The following CADM2 variants were observed in gnomAD, a reference collection of about 807,000 sequenced individuals.
The protein encoded by CADM2 is cell adhesion molecule 2.
In CADM2, 12 loss-of-function variants were observed where a neutral mutation model predicts 49.8. The ratio of observed to expected loss-of-function variants is 0.24; its 90% confidence interval spans 0.15 to 0.39. CADM2 has a LOEUF of 0.39. CADM2 is among the 10% of genes least tolerant of loss of function. The probability of loss-of-function intolerance (pLI) is 1.00; values close to 1 mark genes in which losing one functional copy is unlikely to be tolerated. For missense variants in CADM2, 378 were observed against 492.3 expected, an observed-to-expected ratio of 0.77 and a Z score of 2.20; for synonymous variants, 214 against 175.4, an observed-to-expected ratio of 1.22 and a Z score of -1.74.
intron 1 of CADM2, among the ~76,000 whole-genome samples, chr3:85,016,310 A>G (rs895951580): frequency 6.6e-6 from 1 of 152,214 alleles, no homozygotes; most frequent in Non-Finnish European, 1.5e-5. Context: ...GAAAAAGTAA[A>G]AAAGAGCCAA....
chr3:85,546,461 C>A (rs777886679), intron 1 of CADM2, among the ~76,000 whole-genome samples: 1 of 152,220 alleles, frequency 6.6e-6, no homozygotes, highest in African/African-American at 2.4e-5. Flanking sequence ...TCAACTCCCC[C>A]TCTCTTGTTC....
At chr3:85,453,395 T>G (rs939294481) in intron 1 of CADM2, among the ~76,000 whole-genome samples, 14 of 152,128 alleles carry the variant, frequency 9.2e-5, no homozygotes, top group African/African-American at 3.1e-4. Context: ...GAAATTAGCA[T>G]GATTATCAGT....
chr3:85,591,547 A>G (rs539151898), intron 1 of CADM2, among the ~76,000 whole-genome samples: 24 of 152,124 alleles, frequency 1.6e-4, no homozygotes, highest in African/African-American at 5.5e-4. Flanking sequence ...GTGAAGCTTT[A>G]GCAGCAACAT....
chr3:85,212,235 A>T (rs9813787), intron 1 of CADM2, among the ~76,000 whole-genome samples: 34,562 of 151,900 alleles, frequency 0.23, 6,578 homozygotes, highest in African/African-American at 0.53. Context: ...GGCCACCCTA[A>T]GTCTATTGAT....
chr3:85,454,845 A>G (rs1412268381), intron 1 of CADM2, among the ~76,000 whole-genome samples: 1 of 104,644 alleles, frequency 9.6e-6, no homozygotes, highest in African/African-American at 2.6e-5. Flanking sequence ...ATTAACACAC[A>G]AAACAGAATC....
chr3:85,101,643 T>C (rs1029159941), intron 1 of CADM2, among the ~76,000 whole-genome samples: 5 of 152,212 alleles, frequency 3.3e-5, no homozygotes, highest in African/African-American at 7.2e-5. Flanking sequence ...TTTAAAAAAA[T>C]TCTCAAATGT....
chr3:85,254,057 T>C (rs2042832935), intron 1 of CADM2, among the ~76,000 whole-genome samples: 1 of 152,076 alleles, frequency 6.6e-6, no homozygotes, highest in Non-Finnish European at 1.5e-5. Context: ...AAGTTCCAGG[T>C]TGTGAACTGT....
chr3:85,545,799 A>G (rs530473944), intron 1 of CADM2, among the ~76,000 whole-genome samples: 1 of 152,180 alleles, frequency 6.6e-6, no homozygotes, highest in East Asian at 1.9e-4. Flanking sequence ...CCTTCTAGGG[A>G]AAAAAGTAAA....
At chr3:85,835,793 A>G (rs1577436424) in intron 3 of CADM2, among the ~76,000 whole-genome samples, 2 of 148,830 alleles carry the variant, frequency 1.3e-5, no homozygotes, top group South Asian at 2.1e-4. Flanking sequence ...CTTGCAAAAA[A>G]CAGACTCAGT....
intron 1 of CADM2, among the ~76,000 whole-genome samples, chr3:85,440,193 C>T (rs1339225799): frequency 6.6e-6 from 1 of 152,060 alleles, no homozygotes; most frequent in South Asian, 2.1e-4. Flanking sequence ...TATATCAAAT[C>T]CCTTGATTTG....
At chr3:85,021,254 G>C (rs914531951) in intron 1 of CADM2, among the ~76,000 whole-genome samples, 2 of 152,054 alleles carry the variant, frequency 1.3e-5, no homozygotes, top group Non-Finnish European at 2.9e-5. Flanking sequence ...GAGAAGCACA[G>C]ATTCTTGCTT....
At chr3:85,583,131 A>G (rs1458075790) in intron 1 of CADM2, among the ~76,000 whole-genome samples, 1 of 152,146 alleles carries the variant, frequency 6.6e-6, no homozygotes, top group Non-Finnish European at 1.5e-5. Flanking sequence ...ACTTCATGAC[A>G]ACTGGCAGTC....
In CADM2 at chr3:85,391,868, T is replaced by C. The variant is rs1219126545; in HGVS notation, c.62-334654T>C. Among the ~76,000 whole-genome samples, 4 of 152,056 alleles carry C rather than the reference T, an allele frequency of 2.6e-5. No individual in the cohort carries two copies. The East Asian group carries it at 5.8e-4, about 22-fold the overall frequency. The stretch of plus-strand genomic sequence containing the variant: ...ACGGATATTCAAAAGACTGAAGAGG[T>C]TGTGGCCAGATCACTTTCAAATAGA... On this transcript the variant is annotated intron_variant, in intron 1 of 9. Coordinates refer to ENST00000383699, the MANE Select transcript of CADM2 (RefSeq NM_001167675.2).
chr3:85,502,376 G>C (rs536294422), intron 1 of CADM2, among the ~76,000 whole-genome samples: 1 of 151,932 alleles, frequency 6.6e-6, no homozygotes, highest in African/African-American at 2.4e-5. Context: ...TACTTTGGTC[G>C]TTGGCTACTC....
intron 4 of CADM2, among the ~76,000 whole-genome samples, chr3:85,885,033 T>A (rs1713380939): frequency 6.6e-6 from 1 of 151,730 alleles, no homozygotes; most frequent in Non-Finnish European, 1.5e-5. Context: ...AATACAGAGA[T>A]GATAATATTC....
chr3:85,246,393 T>C (rs1315546647), intron 1 of CADM2, among the ~76,000 whole-genome samples: 1 of 151,950 alleles, frequency 6.6e-6, no homozygotes, highest in African/African-American at 2.4e-5. Context: ...CATGTACACA[T>C]ATGTAACTAA....
chr3:85,765,124 G>T (rs1434476741), intron 2 of CADM2, among the ~76,000 whole-genome samples: 2 of 152,018 alleles, frequency 1.3e-5, no homozygotes, highest in Non-Finnish European at 2.9e-5. Context: ...TATGTAGAAA[G>T]TATGTTTTCT....
intron 3 of CADM2, among the ~76,000 whole-genome samples, chr3:85,870,940 C>T (rs1461713341): frequency 6.6e-6 from 1 of 152,164 alleles, no homozygotes; most frequent in African/African-American, 2.4e-5. Flanking sequence ...TATAAAAACT[C>T]TGGAAGACAA....
chr3:85,112,574 GC>G (rs1159099975), intron 1 of CADM2, among the ~76,000 whole-genome samples: 1 of 151,650 alleles, frequency 6.6e-6, no homozygotes, highest in Non-Finnish European at 1.5e-5. Context: ...TTACATCCTT[GC>G]AAACATTTTA....
Sources: gnomAD v4.1 joint callset for allele counts (sites outside exome capture counted in the v4.1 genomes callset) on GRCh38, gnomAD v4.1.1 for gene constraint, MANE v1.5 for transcripts, NCBI Gene and HGNC (gene_info 2026-07-23, HGNC 2026-07-21) for gene names.